ARHGAP15: variants seen among roughly 807,000 people sequenced by gnomAD.
The protein encoded by ARHGAP15 is rho GTPase-activating protein 15.
Under a neutral mutation model 63.7 loss-of-function variants are expected in ARHGAP15, and 51 were observed. That is an observed-to-expected ratio of 0.80 (90% CI 0.64 to 1.01). The LOEUF is 1.01. ARHGAP15 is among the 50% of genes least tolerant of loss of function. The pLI is 0.00. For synonymous variants in ARHGAP15, 191 were observed against 193.8 expected, an observed-to-expected ratio of 0.99 and a Z score of 0.12; for missense variants, 560 against 564.6, an observed-to-expected ratio of 0.99 and a Z score of 0.08.
chr2:143,699,551 A>G (rs555800784), intron 12 of ARHGAP15, among the ~76,000 whole-genome samples: 14 of 152,340 alleles, frequency 9.2e-5, no homozygotes, highest in Non-Finnish European at 1.6e-4. Context: ...TCATAAGGAT[A>G]CTTATACATA....
intron 2 of ARHGAP15, among the ~76,000 whole-genome samples, chr2:143,164,659 G>A (rs536692509): frequency 6.6e-6 from 1 of 152,028 alleles, no homozygotes; most frequent in East Asian, 1.9e-4. Context: ...GGGAAATTCA[G>A]TTACTTGATT....
At chr2:143,694,031 C>T (rs138590659) in intron 12 of ARHGAP15, among the ~76,000 whole-genome samples, 4 of 152,154 alleles carry the variant, frequency 2.6e-5, no homozygotes, top group African/African-American at 9.7e-5. Flanking sequence ...GACAGTCTTT[C>T]AACTTCAATT....
At chr2:143,264,709 G>T (rs1680903885) in intron 6 of ARHGAP15, among the ~76,000 whole-genome samples, 1 of 152,058 alleles carries the variant, frequency 6.6e-6, no homozygotes, top group Non-Finnish European at 1.5e-5. Flanking sequence ...GGGCCGGTTT[G>T]TTACAGAGCA....
chr2:143,609,542 C>T (rs1698174637), intron 11 of ARHGAP15, among the ~76,000 whole-genome samples: 1 of 152,192 alleles, frequency 6.6e-6, no homozygotes, highest in East Asian at 1.9e-4. Flanking sequence ...TCTTGTCCCT[C>T]CCATACCCAC....
intron 13 of ARHGAP15, among the ~76,000 whole-genome samples, chr2:143,721,890 T>C (rs1178692729): frequency 6.6e-6 from 1 of 152,142 alleles, no homozygotes; most frequent in African/African-American, 2.4e-5. Context: ...TTTCACTGTA[T>C]TGCGCAGGCT....
At chr2:143,658,063 C>A (rs1402656231) in intron 12 of ARHGAP15, among the ~76,000 whole-genome samples, 1 of 152,174 alleles carries the variant, frequency 6.6e-6, no homozygotes, top group Non-Finnish European at 1.5e-5. Context: ...AATTGTAATT[C>A]CCAGAATTTC....
chr2:143,724,303 T>C (rs553516861), intron 13 of ARHGAP15, among the ~76,000 whole-genome samples: 1 of 152,318 alleles, frequency 6.6e-6, no homozygotes, highest in Admixed American at 6.5e-5. Context: ...GTCAGTTTCC[T>C]CTTCAGTTAC....
intron 12 of ARHGAP15, among the ~76,000 whole-genome samples, chr2:143,653,651 A>T (rs987780787): frequency 6.6e-6 from 1 of 152,178 alleles, no homozygotes; most frequent in Non-Finnish European, 1.5e-5. Context: ...AAACTTAAGA[A>T]ACATGAAATA....
chr2:143,500,535 T>G (rs1693010533), intron 9 of ARHGAP15, among the ~76,000 whole-genome samples: 2 of 152,280 alleles, frequency 1.3e-5, no homozygotes, highest in Middle Eastern at 3.4e-3. Context: ...TATGTTCAGA[T>G]GTAAGAAAAT....
chr2:143,334,602 A>G (rs2105268255), intron 6 of ARHGAP15, among the ~76,000 whole-genome samples: 1 of 152,348 alleles, frequency 6.6e-6, no homozygotes, highest in Non-Finnish European at 1.5e-5. Context: ...GCAGTGAAAA[A>G]TAATCAATGT....
At chr2:143,398,142 C>T (rs1204941642) in intron 6 of ARHGAP15, among the ~76,000 whole-genome samples, 1 of 152,114 alleles carries the variant, frequency 6.6e-6, no homozygotes, top group Non-Finnish European at 1.5e-5. Context: ...ACTCCTCAGC[C>T]TAAGCAGTTA....
intron 9 of ARHGAP15, among the ~76,000 whole-genome samples, chr2:143,491,334 T>C (rs1012938019): frequency 6.6e-6 from 1 of 152,204 alleles, no homozygotes; most frequent in African/African-American, 2.4e-5. Context: ...CAAATAACAG[T>C]ATTGACATCC....
chr2:143,562,563 T>C (rs1274953112), intron 11 of ARHGAP15, among the ~76,000 whole-genome samples: 1 of 152,252 alleles, frequency 6.6e-6, no homozygotes, highest in Admixed American at 6.5e-5. Flanking sequence ...AGTTGAATCA[T>C]TGATATTGCA....
At chr2:143,369,642 G>C (rs1686455774) in intron 6 of ARHGAP15, among the ~76,000 whole-genome samples, 1 of 152,068 alleles carries the variant, frequency 6.6e-6, no homozygotes, top group Non-Finnish European at 1.5e-5. Context: ...ATTTGCCATA[G>C]ATAATGCAGG....
At chr2:143,580,058 T>A (rs1696834260) in intron 11 of ARHGAP15, among the ~76,000 whole-genome samples, 1 of 150,136 alleles carries the variant, frequency 6.7e-6, no homozygotes, top group African/African-American at 2.4e-5. Context: ...TTTCTAATTC[T>A]CCCTAAATTT....
intron 6 of ARHGAP15, among the ~76,000 whole-genome samples, chr2:143,299,792 T>G (rs1210388560): frequency 5.9e-5 from 9 of 152,124 alleles, no homozygotes; most frequent in African/African-American, 2.2e-4. Flanking sequence ...TGGTGAAAAT[T>G]TAAATTGTTT....
At chr2:143,455,010 C>T (rs892582485) in intron 8 of ARHGAP15, among the ~76,000 whole-genome samples, 5 of 151,968 alleles carry the variant, frequency 3.3e-5, no homozygotes, top group Non-Finnish European at 7.4e-5. Context: ...GGCTCCCAAT[C>T]CAGACCCCAA....
chr2:143,416,829 A>ACCCCCACG (rs869271808), intron 6 of ARHGAP15, among the ~76,000 whole-genome samples: 1,463 of 104,726 alleles, frequency 0.014, 29 homozygotes, highest in African/African-American at 0.052. Context: ...CCACCCCCCC[A>ACCCCCACG]CCCCCACGCC....
At chr2:143,487,518 A>G in intron 9 of ARHGAP15, 23 bp downstream of exon 9, 3 of 1,601,756 alleles carry the variant, frequency 1.9e-6, no homozygotes, top group Non-Finnish European at 2.6e-6. Context: ...TTATACTTGT[A>G]CTATAACTGT....
Sources: allele counts gnomAD v4.1 joint callset (sites outside exome capture counted in the v4.1 genomes callset), GRCh38; gene constraint gnomAD v4.1.1; transcripts MANE v1.5; gene names NCBI Gene and HGNC (gene_info 2026-07-23, HGNC 2026-07-21).